CUBN: variants seen among roughly 807,000 people sequenced by gnomAD.
CUBN encodes the protein 460 kDa receptor.
In CUBN, 282 loss-of-function variants were observed where a neutral mutation model predicts 405.3. The ratio of observed to expected loss-of-function variants is 0.70; its 90% CI spans 0.63 to 0.77. CUBN has a LOEUF of 0.77. Among genes scored for constraint, CUBN ranks in the 30% least tolerant of loss-of-function variants. The pLI is 0.00. For missense variants in CUBN, 4,514 were observed against 4,475.2 expected (o/e 1.01, Z -0.25); for synonymous variants, 1,684 against 1,617.0 (o/e 1.04, Z -0.99).
chr10:17,077,599 T>C (rs1835880970), intron 17 of CUBN, among the ~76,000 whole-genome samples: 1 of 152,240 alleles, frequency 6.6e-6, no homozygotes, highest in South Asian at 2.1e-4. Context: ...TTAGTCCATC[T>C]GAGAGCTGAA....
intron 22 of CUBN, among the ~76,000 whole-genome samples, chr10:17,055,709 C>T (rs1161796995): frequency 6.6e-6 from 1 of 151,906 alleles, no homozygotes; most frequent in Non-Finnish European, 1.5e-5. Flanking sequence ...CACTTGATAA[C>T]AAGTTTAATA....
At chr10:16,996,044 T>TTC (rs973780713) in intron 28 of CUBN, among the ~76,000 whole-genome samples, 60 of 152,222 alleles carry the variant, frequency 3.9e-4, no homozygotes, top group African/African-American at 1.4e-3. Flanking sequence ...CACTTCTGTG[T>TTC]TCTCTCTCCC....
At chr10:17,109,854 A>G in intron 9 of CUBN, 119 bp from the exon 10 acceptor site, 1 of 746,976 alleles carries the variant, frequency 1.3e-6, no homozygotes, top group Non-Finnish European at 2.4e-6. Context: ...CATCGAAACA[A>G]AAAATATAAG....
In CUBN at chr10:17,122,811, T is replaced by C. The variant is rs763650989; in HGVS notation, c.577A>G (p.Thr193Ala). 1.2e-6 allele frequency: 2 copies of C among 1,611,608 alleles called. No individual in the cohort carries two copies. Among genetic ancestry groups the C allele is most frequent in the Middle Eastern group, 1.7e-4 (1 of 6,046 alleles). ...AAAAGTTACCTGTAACTTCCCATTGTATTAACACATGTGCCTCCATTCTGG... is the reference window on the plus strand; with the variant it reads ...AAAAGTTACCTGTAACTTCCCATTGCATTAACACATGTGCCTCCATTCTGG... Reference protein sequence around the residue: ...SCQNGGTCVNTMGSYSCHCPP... With the variant: ...SCQNGGTCVNAMGSYSCHCPP... Residue 193 changes from threonine (T) to alanine (A), a missense_variant, in exon 6 of 67, where the codon ACA becomes GCA. This residue lies in a region of CUBN where 1,448 missense variants were observed against 1,388.0 expected (regional missense o/e 1.04). Coordinates refer to ENST00000377833, the MANE Select transcript of CUBN (RefSeq NM_001081.4).
chr10:16,826,179 T>G (rs1838775637), intron 66 of CUBN, among the ~76,000 whole-genome samples: 1 of 152,190 alleles, frequency 6.6e-6, no homozygotes, highest in Non-Finnish European at 1.5e-5. Flanking sequence ...TACCGTAATA[T>G]AAAATATCTC....
rs147526023 is a variant in CUBN at position 16,920,204 on chromosome 10, C to A, written c.6647-67G>T. The A allele has an allele frequency of 3.3e-6, 5 of 1,504,522 alleles. No individual in the cohort carries two copies. In the East Asian group the frequency reaches 6.8e-5, roughly 21 times the overall value. 93.2% of individuals were successfully genotyped at this position (1,504,522 alleles called of 1,614,324 possible). A position where few individuals can be genotyped will look rare whatever the true frequency, so the allele number is the denominator to read the frequency against. ...GGGGATGCAGTCAATGGCCACAAAT[C>A]ATCTTTTAAAGTCGACTTCTCTGTA... On this transcript the variant is annotated intron_variant, in intron 43 of 66. Transcript: ENST00000377833.
At chr10:17,053,350 G>A (rs1835316454) in intron 22 of CUBN, among the ~76,000 whole-genome samples, 1 of 151,730 alleles carries the variant, frequency 6.6e-6, no homozygotes, top group Admixed American at 6.6e-5. Context: ...ATATATAATG[G>A]TGAAACTAAG....
intron 21 of CUBN, among the ~76,000 whole-genome samples, chr10:17,066,073 A>G (rs1328325554): frequency 6.6e-6 from 1 of 152,210 alleles, no homozygotes; most frequent in Non-Finnish European, 1.5e-5. Context: ...GAATGATGAC[A>G]GTACCTACTT....
chr10:16,937,681 T>C lies in CUBN; in HGVS notation c.5837A>G (p.Tyr1946Cys). Residue 1946 changes from tyrosine (Y) to cysteine (C), a missense_variant, in exon 39 of 67, where the codon TAC becomes TGC. Physicochemically the swap from Tyr to Cys is radical, Grantham distance 194. This residue lies in a region of CUBN where 1,613 missense variants were observed against 1,542.8 expected (regional missense o/e 1.05). Coordinates refer to ENST00000377833, the MANE Select transcript of CUBN (RefSeq NM_001081.4). ...CTTCCCTGAGATTGAAGAGTCGGAG[T>C]AAAAATGAAATGTCAAAGAATTTCC... ...STGNSLTFHFYSDSSISGKGF... is the reference protein window; with the variant it reads ...STGNSLTFHFCSDSSISGKGF... The C allele has an allele frequency of 6.2e-7, 1 of 1,613,436 alleles. No individual in the cohort carries two copies. Among genetic ancestry groups the C allele is most frequent in the East Asian group, 2.2e-5 (1 of 44,854 alleles).
intron 12 of CUBN, 29 bp from the exon 13 acceptor site, chr10:17,103,266 T>C: frequency 7.1e-7 from 1 of 1,406,666 alleles, no homozygotes; most frequent in Non-Finnish European, 1.0e-6. Flanking sequence ...ACTGTGCTTT[T>C]CAGAGGTTCC....
At position 17,071,546 on chromosome 10, in the gene CUBN, C is replaced by T. The variant is rs1393935032; in HGVS notation, c.2505G>A (p.Val835=). The T allele has an allele frequency of 6.2e-7, 1 of 1,613,912 alleles. No homozygotes were observed. The highest frequency in any genetic ancestry group is 2.2e-5 in the East Asian group (1 of 44,850). ...GVIRSPFFPN[V]YPGERTCRWT... ...ACCTACAGGTTCTTTCTCCAGGATACACGTTAGGAAAAAAAGGCGAGCGAA... is the reference window on the plus strand; with the variant it reads ...ACCTACAGGTTCTTTCTCCAGGATATACGTTAGGAAAAAAAGGCGAGCGAA... The change falls in exon 19 of 67, where the codon GTG becomes GTA. Residue 835 remains valine (V), a synonymous_variant. Transcript: ENST00000377833.
At position 16,840,310 on chromosome 10, in the gene CUBN, A is replaced by C; in HGVS notation, c.10032+20T>G. On this transcript the variant is annotated intron_variant, in intron 62 of 66. Coordinates refer to ENST00000377833, the MANE Select transcript of CUBN (RefSeq NM_001081.4). Reference sequence around the variant, plus strand: ...GAAAAGGTCACTAGATGTGACTGCCATTCATCTTATAATTGTTACCTGCGG... The same window carrying C: ...GAAAAGGTCACTAGATGTGACTGCCCTTCATCTTATAATTGTTACCTGCGG... 6.2e-7 allele frequency: 1 copy of C among 1,601,162 alleles called. No homozygotes were observed. Among genetic ancestry groups the C allele is most frequent in the South Asian group, 1.1e-5 (1 of 90,824 alleles).
At chr10:16,979,711 A>C (rs1468654839) in intron 31 of CUBN, among the ~76,000 whole-genome samples, 13 of 152,196 alleles carry the variant, frequency 8.5e-5, no homozygotes, top group African/African-American at 3.1e-4. Flanking sequence ...TTAAAGACTT[A>C]AATGTAAAAC....
intron 50 of CUBN, among the ~76,000 whole-genome samples, chr10:16,905,565 G>C (rs946184443): frequency 9.9e-5 from 15 of 152,118 alleles, no homozygotes; most frequent in African/African-American, 3.6e-4. Flanking sequence ...AGCATGCTAA[G>C]TCCCAGTCTC....
At chr10:17,068,318 C>G in intron 20 of CUBN, 38 bp from the exon 21 acceptor site, 2 of 1,583,574 alleles carry the variant, frequency 1.3e-6, no homozygotes, top group Non-Finnish European at 1.7e-6. Context: ...CAGCAAGTAA[C>G]CAAGCTACCT....
chr10:16,827,648 C>T lies in CUBN; in HGVS notation c.10764+1157G>A, dbSNP rs185597052. Among the ~76,000 whole-genome samples, 316 of 152,344 alleles carry T rather than the reference C, an allele frequency of 2.1e-3. 2 individuals are homozygous for T. Among genetic ancestry groups the T allele is most frequent in the African/African-American group, 7.0e-3 (290 of 41,582 alleles). ...ATGGAGTCTGGCTCTGTCGCCCAGG[C>T]TGGAGTGGAGTGGCGCCATCTCGGC... On this transcript the variant is annotated intron_variant, in intron 66 of 66. Coordinates refer to ENST00000377833, the MANE Select transcript of CUBN (RefSeq NM_001081.4).
rs757462801 is a variant in CUBN, at chr10:17,065,556, C to T, written c.3091G>A (p.Ala1031Thr). The change falls in exon 22 of 67, where the codon GCT becomes ACT. Residue 1031 changes from alanine (A) to threonine (T), a missense_variant. By Grantham distance (58) the Ala-to-Thr change is moderately conservative. Coordinates refer to ENST00000377833, the MANE Select transcript of CUBN (RefSeq NM_001081.4). Reference protein sequence around the residue: ...MLVFVTDSDLAYEGFLINYEA... With the variant: ...MLVFVTDSDLTYEGFLINYEA... The stretch of plus-strand genomic sequence containing the variant: ...TAGTTTATTAAGAAGCCTTCATAAG[C>T]GAGGTCGGAGTCAGTCACAAACACC... 3 of 1,613,542 alleles carry T rather than the reference C, an allele frequency of 1.9e-6. No individual in the cohort carries two copies. The highest frequency in any genetic ancestry group is 2.5e-6 in the Non-Finnish European group (3 of 1,179,606).
chr10:16,912,885 C>T (rs1201895986), intron 48 of CUBN, among the ~76,000 whole-genome samples: 3 of 152,138 alleles, frequency 2.0e-5, no homozygotes, highest in Non-Finnish European at 4.4e-5. Flanking sequence ...CAACATGATC[C>T]GATTGAGGTT....
At chr10:17,088,022 C>A (rs557873980) in intron 15 of CUBN, 142 bp downstream of exon 15, 2 of 662,564 alleles carry the variant, frequency 3.0e-6, no homozygotes, top group Non-Finnish European at 5.3e-6. Context: ...AGAGACTTTG[C>A]AAGAGTTAGA....
Sources: gnomAD v4.1 joint callset for allele counts (sites outside exome capture counted in the v4.1 genomes callset) on GRCh38, gnomAD v4.1.1 for gene constraint, gnomAD v4.1.1 regional missense constraint, MANE v1.5 for transcripts, NCBI Gene and HGNC (gene_info 2026-07-23, HGNC 2026-07-21) for gene names.